The following CDH18 variants were observed in gnomAD, a reference collection of about 807,000 sequenced individuals.
The protein encoded by CDH18 is cadherin-18.
In CDH18, 31 loss-of-function variants were observed where a neutral mutation model predicts 67.9. The observed-to-expected ratio is 0.46, with a 90% CI of 0.34 to 0.62. The LOEUF is 0.62. Among genes scored for constraint, CDH18 ranks in the 20% least tolerant of loss-of-function variants. The probability of loss-of-function intolerance (pLI) is 0.01; values close to 1 mark genes in which losing one functional copy is unlikely to be tolerated. For missense variants in CDH18, 890 were observed against 975.5 expected (o/e 0.91, Z 1.17); for synonymous variants, 362 against 347.2 (o/e 1.04, Z -0.48).
Position 19,520,556 on chromosome 5 carries a change from A to G in CDH18, c.1512+101T>C, listed in dbSNP as rs142338340. ...TGAAATTATTTCCACTGAGTACAAA[A>G]TTACACTGTGGGCTTTGGGGGATTA... On this transcript the variant is annotated intron_variant, in intron 10 of 12. Coordinates refer to ENST00000382275, the MANE Select transcript of CDH18 (RefSeq NM_004934.5). 1.9e-3 allele frequency: 1,917 copies of G among 1,026,348 alleles called. 5 individuals are homozygous for G. Among genetic ancestry groups the G allele is most frequent in the East Asian group, 6.0e-3 (206 of 34,566 alleles). 63.6% of individuals were successfully genotyped at this position (1,026,348 alleles called of 1,614,324 possible).
chr5:19,489,351 G>A (rs571456793), intron 11 of CDH18, among the ~76,000 whole-genome samples: 10 of 150,416 alleles, frequency 6.6e-5, no homozygotes, highest in Non-Finnish European at 1.3e-4. Flanking sequence ...GGGTTCAAGC[G>A]ATTCTCCTGC....
chr5:19,748,908 A>C (rs1163277123), intron 3 of CDH18, among the ~76,000 whole-genome samples: 1 of 152,142 alleles, frequency 6.6e-6, no homozygotes, highest in Non-Finnish European at 1.5e-5. Context: ...ACAGAGTAAG[A>C]TTCAACAGAT....
At chr5:19,788,247 A>C (rs1776019321) in intron 3 of CDH18, among the ~76,000 whole-genome samples, 1 of 152,224 alleles carries the variant, frequency 6.6e-6, no homozygotes, top group Non-Finnish European at 1.5e-5. Flanking sequence ...CATGAAGCAC[A>C]CATAGACTGA....
chr5:20,542,818 A>G (rs1282691112), intron 1 of CDH18, among the ~76,000 whole-genome samples: 2 of 151,982 alleles, frequency 1.3e-5, no homozygotes, highest in African/African-American at 2.4e-5. Context: ...TTATTTATAC[A>G]TTATTGTACT....
intron 1 of CDH18, among the ~76,000 whole-genome samples, chr5:20,303,225 CTCATTTGACTT>C (rs1309415578): frequency 6.6e-6 from 1 of 152,038 alleles, no homozygotes; most frequent in Non-Finnish European, 1.5e-5. Flanking sequence ...CTAGGATGGT[CTCATTTGACTT>C]TCATTTCGTA....
intron 1 of CDH18, chr5:20,304,496 G>A (rs1192964709): frequency 6.3e-7 from 1 of 1,593,918 alleles, no homozygotes; most frequent in Admixed American, 1.7e-5. Flanking sequence ...CAATGGTTTA[G>A]TGCGAAATGG....
chr5:20,570,842 T>C (rs1758773671), intron 1 of CDH18, among the ~76,000 whole-genome samples: 1 of 152,118 alleles, frequency 6.6e-6, no homozygotes, highest in Non-Finnish European at 1.5e-5. Context: ...TATACCCAGA[T>C]ATACACACAC....
intron 1 of CDH18, among the ~76,000 whole-genome samples, chr5:20,346,973 A>G (rs1028357244): frequency 6.6e-6 from 1 of 152,178 alleles, no homozygotes; most frequent in Admixed American, 6.5e-5. Flanking sequence ...GGTATGTGCT[A>G]TAGCAGATAC....
At chr5:19,685,035 A>T (rs1004409625) in intron 5 of CDH18, among the ~76,000 whole-genome samples, 3 of 152,146 alleles carry the variant, frequency 2.0e-5, no homozygotes, top group Non-Finnish European at 2.9e-5. Context: ...TCCTAACCTG[A>T]AACAACTGAT....
At chr5:20,488,889 G>A (rs1279282469) in intron 1 of CDH18, among the ~76,000 whole-genome samples, 4 of 151,832 alleles carry the variant, frequency 2.6e-5, no homozygotes, top group Admixed American at 2.6e-4. Flanking sequence ...CAAAGAACCT[G>A]CGGTTTTAAT....
chr5:20,342,993 C>T (rs971600369), intron 1 of CDH18, among the ~76,000 whole-genome samples: 6 of 152,278 alleles, frequency 3.9e-5, no homozygotes, highest in South Asian at 2.1e-4. Context: ...GCAGCACCTG[C>T]ATCTTTGAAG....
intron 1 of CDH18, among the ~76,000 whole-genome samples, chr5:20,345,267 T>C (rs935115889): frequency 1.4e-5 from 2 of 143,998 alleles, no homozygotes; most frequent in African/African-American, 4.9e-5. Flanking sequence ...TTGGGGTATA[T>C]TGGGGTACTA....
intron 11 of CDH18, among the ~76,000 whole-genome samples, chr5:19,499,079 C>T (rs188649981): frequency 6.6e-6 from 1 of 152,300 alleles, no homozygotes; most frequent in East Asian, 1.9e-4. Context: ...TGTTTACATG[C>T]ACGTTGGTTG....
chr5:19,781,917 T>G (rs1054331363), intron 3 of CDH18, among the ~76,000 whole-genome samples: 12 of 152,334 alleles, frequency 7.9e-5, no homozygotes, highest in Admixed American at 7.8e-4. Flanking sequence ...CATATTTCTA[T>G]TATCCAGTAA....
At chr5:19,907,738 C>T (rs1790683690) in intron 2 of CDH18, among the ~76,000 whole-genome samples, 1 of 151,934 alleles carries the variant, frequency 6.6e-6, no homozygotes, top group Non-Finnish European at 1.5e-5. Flanking sequence ...AAGGCATATT[C>T]ATGACATTAA....
At chr5:19,508,952 T>G (rs192867838) in intron 10 of CDH18, among the ~76,000 whole-genome samples, 1 of 151,294 alleles carries the variant, frequency 6.6e-6, no homozygotes, top group East Asian at 2.0e-4. Context: ...CAGCTCACTG[T>G]AACCTTCACC....
chr5:19,473,657 C>G lies in CDH18; in HGVS notation c.1942G>C (p.Glu648Gln), dbSNP rs771292553. 1 of 1,613,740 alleles carries G rather than the reference C, an allele frequency of 6.2e-7. No individual in the cohort carries two copies. Among genetic ancestry groups the G allele is most frequent in the Non-Finnish European group, 8.5e-7 (1 of 1,179,828 alleles). The change falls in exon 13 of 13, where the codon GAA (glutamate) becomes CAA (glutamine). Residue 648 changes from glutamate to glutamine, a missense_variant. This residue lies in a region of CDH18 where 656 missense variants were observed against 668.1 expected (regional missense o/e 0.98). Transcript: ENST00000382275. ...RSKKEPLIIS[E>Q]EDVRENVVTY... ...ACCACGTTCTCCCGTACATCCTCTT[C>G]TGAAATGATCAAGGGCTCTTTTTTG...
intron 2 of CDH18, among the ~76,000 whole-genome samples, chr5:20,066,012 A>G (rs966645260): frequency 6.6e-6 from 1 of 152,074 alleles, no homozygotes. Context: ...TTTTCAAATT[A>G]GAGATATGTA....
rs908089529 is a variant in CDH18 at position 20,469,064 on chromosome 5, G to A, written c.-580+106398C>T. Among the ~76,000 whole-genome samples, 18 of 152,124 alleles carry A rather than the reference G, an allele frequency of 1.2e-4. 1 individual carries two copies. Among genetic ancestry groups the A allele is most frequent in the African/African-American group, 3.4e-4 (14 of 41,426 alleles). Reference sequence around the variant, plus strand: ...GCCTCTTTGCAACACAGTATGTAACGGTAATGGTGGCAACAGGAAGGCAGC... The same window carrying A: ...GCCTCTTTGCAACACAGTATGTAACAGTAATGGTGGCAACAGGAAGGCAGC... On this transcript the variant is annotated intron_variant, in intron 1 of 14. Transcript: ENST00000507958.
Sources: gnomAD v4.1 joint callset for allele counts (sites outside exome capture counted in the v4.1 genomes callset) on GRCh38, gnomAD v4.1.1 for gene constraint, gnomAD v4.1.1 regional missense constraint, MANE v1.5 for transcripts, NCBI Gene and HGNC (gene_info 2026-07-23, HGNC 2026-07-21) for gene names.